The following PRKCH variants were observed in gnomAD, a reference collection of about 807,000 sequenced individuals.
PRKCH encodes protein kinase C eta.
Under a neutral mutation model 82.5 loss-of-function variants are expected in PRKCH, and 28 were observed. The observed-to-expected ratio is 0.34, with a 90% confidence interval of 0.25 to 0.47. The LOEUF is 0.47. PRKCH is among the 20% of genes least tolerant of loss of function. The probability of loss-of-function intolerance (pLI) is 1.00; values close to 1 mark genes in which losing one functional copy is unlikely to be tolerated. For synonymous variants in PRKCH, 322 were observed against 327.4 expected, an observed-to-expected ratio of 0.98 and a Z score of 0.18; for missense variants, 705 against 881.8, an observed-to-expected ratio of 0.80 and a Z score of 2.54.
chr14:61,329,862 G>T (rs969998752), intron 1 of PRKCH, among the ~76,000 whole-genome samples: 2 of 152,298 alleles, frequency 1.3e-5, no homozygotes, highest in Admixed American at 6.5e-5. Context: ...GGAAGCGTGT[G>T]ACACTGGTCA....
At chr14:61,210,037 G>C (rs1455803176) in intron 1 of PRKCH, among the ~76,000 whole-genome samples, 1 of 148,484 alleles carries the variant, frequency 6.7e-6, no homozygotes, top group East Asian at 2.0e-4. Context: ...AGGAGTTCAA[G>C]ACCAGCCTGG....
chr14:61,194,815 C>A (rs1198309608), intron 1 of PRKCH, among the ~76,000 whole-genome samples: 1 of 152,174 alleles, frequency 6.6e-6, no homozygotes, highest in African/African-American at 2.4e-5. Context: ...CTCACTGCAA[C>A]CTCCGCCTCC....
At chr14:61,291,507 T>G (rs1011959238) in intron 1 of PRKCH, among the ~76,000 whole-genome samples, 16 of 152,070 alleles carry the variant, frequency 1.1e-4, no homozygotes, top group Non-Finnish European at 2.1e-4. Context: ...TTTTTGTATT[T>G]TTAGTAGAGA....
upstream of PRKCH, among the ~76,000 whole-genome samples, chr14:61,320,530 C>A (rs905292101): frequency 6.6e-6 from 1 of 152,082 alleles, no homozygotes; most frequent in Non-Finnish European, 1.5e-5. Flanking sequence ...ACCTGGGAGG[C>A]GGAGGTTGCG....
chr14:61,415,168 C>T (rs1882488669), intron 2 of PRKCH, among the ~76,000 whole-genome samples: 1 of 152,190 alleles, frequency 6.6e-6, no homozygotes, highest in South Asian at 2.1e-4. Flanking sequence ...AGCTTGAACA[C>T]ACACATTTTC....
intron 1 of PRKCH, among the ~76,000 whole-genome samples, chr14:61,341,447 A>AG (rs2045929015): frequency 6.6e-6 from 1 of 152,224 alleles, no homozygotes; most frequent in Non-Finnish European, 1.5e-5. Flanking sequence ...AACAGGCCTG[A>AG]GCATGCCACA....
In PRKCH at chr14:61,227,418, C is replaced by T. The variant is rs139521895; in HGVS notation, c.-19+39750C>T. Among the ~76,000 whole-genome samples, 633 of 152,190 alleles carry T rather than the reference C, an allele frequency of 4.2e-3. 4 individuals are homozygous for T. Among genetic ancestry groups the T allele is most frequent in the African/African-American group, 0.015 (609 of 41,496 alleles). Reference sequence around the variant, plus strand: ...ACCATCCTGGCTAACACGGTGAAACCCCGTCTCTACTAAAAAATATAAAAA... The same window carrying T: ...ACCATCCTGGCTAACACGGTGAAACTCCGTCTCTACTAAAAAATATAAAAA... On this transcript the variant is annotated intron_variant, in intron 1 of 3. Transcript: ENST00000555185.
chr14:61,290,091 A>C (rs1163403993), intron 1 of PRKCH, among the ~76,000 whole-genome samples: 3 of 152,214 alleles, frequency 2.0e-5, no homozygotes, highest in Non-Finnish European at 4.4e-5. Flanking sequence ...CAGTAGATCG[A>C]GACCAGCCTG....
intron 2 of PRKCH, among the ~76,000 whole-genome samples, chr14:61,396,972 A>G (rs921676485): frequency 1.3e-5 from 2 of 152,198 alleles, no homozygotes; most frequent in Non-Finnish European, 2.9e-5. Flanking sequence ...AATAGAAATG[A>G]TAAGATACCA....
intron 10 of PRKCH, among the ~76,000 whole-genome samples, chr14:61,490,405 T>C (rs561791416): frequency 1.3e-5 from 2 of 152,338 alleles, no homozygotes; most frequent in East Asian, 3.9e-4. Flanking sequence ...GATTAAGCCC[T>C]GTTAAGCTAG....
chr14:61,196,262 G>A (rs1344390280), intron 1 of PRKCH, among the ~76,000 whole-genome samples: 1 of 152,202 alleles, frequency 6.6e-6, no homozygotes, highest in Non-Finnish European at 1.5e-5. Flanking sequence ...ATCTGAGAAT[G>A]TGGTGATGGT....
intron 1 of PRKCH, among the ~76,000 whole-genome samples, chr14:61,283,818 C>A (rs768480741): frequency 1.6e-4 from 25 of 151,858 alleles, no homozygotes; most frequent in Non-Finnish European, 1.5e-4. Flanking sequence ...GACAACAGAA[C>A]AAGACCCTGT....
At chr14:61,235,414 CA>C (rs1367267049) in intron 1 of PRKCH, among the ~76,000 whole-genome samples, 1 of 152,244 alleles carries the variant, frequency 6.6e-6, no homozygotes, top group Non-Finnish European at 1.5e-5. Flanking sequence ...CTGCCATCCA[CA>C]AACCATAAGC....
chr14:61,503,846 A>G (rs532976621), intron 10 of PRKCH, among the ~76,000 whole-genome samples: 3 of 152,284 alleles, frequency 2.0e-5, no homozygotes, highest in South Asian at 2.1e-4. Flanking sequence ...ACAGTATCTC[A>G]CTTGATATAT....
intron 10 of PRKCH, among the ~76,000 whole-genome samples, chr14:61,498,917 A>G (rs1886776321): frequency 1.3e-5 from 2 of 152,166 alleles, no homozygotes; most frequent in Admixed American, 6.5e-5. Flanking sequence ...ATTAAGCAAC[A>G]TGTTTTGCAG....
At chr14:61,507,203 A>C (rs1023409709) in intron 10 of PRKCH, among the ~76,000 whole-genome samples, 2 of 152,192 alleles carry the variant, frequency 1.3e-5, no homozygotes, top group East Asian at 3.8e-4. Flanking sequence ...CAACATCACT[A>C]ACCATCTGGG....
At chr14:61,503,828 G>A (rs768673199) in intron 10 of PRKCH, among the ~76,000 whole-genome samples, 2 of 152,112 alleles carry the variant, frequency 1.3e-5, no homozygotes, top group African/African-American at 2.4e-5. Context: ...ACCATGCAGA[G>A]TATTTTCACA....
intron 2 of PRKCH, among the ~76,000 whole-genome samples, chr14:61,395,009 T>C (rs185007623): frequency 2.6e-5 from 4 of 152,268 alleles, no homozygotes; most frequent in African/African-American, 9.6e-5. Context: ...TCCTCTTAGG[T>C]GTGTTTGCAT....
At chr14:61,288,232 A>T (rs1359557019) in intron 1 of PRKCH, among the ~76,000 whole-genome samples, 1 of 151,788 alleles carries the variant, frequency 6.6e-6, no homozygotes, top group Non-Finnish European at 1.5e-5. Flanking sequence ...TTCCCCCAGA[A>T]CCACCGGAAA....
Sources: allele counts gnomAD v4.1 joint callset (sites outside exome capture counted in the v4.1 genomes callset), GRCh38; gene constraint gnomAD v4.1.1; transcripts MANE v1.5; gene names NCBI Gene and HGNC (gene_info 2026-07-23, HGNC 2026-07-21).